NMNAT2: variants seen among roughly 807,000 people sequenced by gnomAD.
NMNAT2 encodes the protein nicotinamide nucleotide adenylyltransferase 2.
Under a neutral mutation model 41.6 loss-of-function variants are expected in NMNAT2, and 11 were observed. The ratio of observed to expected loss-of-function variants is 0.26; its 90% CI spans 0.17 to 0.44. NMNAT2 has a LOEUF of 0.44. Ranked by LOEUF, NMNAT2 falls within the 20% of genes least tolerant of loss-of-function variation. NMNAT2 has a pLI of 1.00. For synonymous variants in NMNAT2, 148 were observed against 151.2 expected (o/e 0.98, Z 0.16); for missense variants, 288 against 407.7 (o/e 0.71, Z 2.53).
intron 8 of NMNAT2, among the ~76,000 whole-genome samples, chr1:183,273,807 C>G (rs1402163593): frequency 2.0e-5 from 3 of 147,678 alleles, no homozygotes; most frequent in Non-Finnish European, 4.5e-5. Flanking sequence ...CTCTTTCTCT[C>G]TTTCTTTCCT....
At chr1:183,382,499 AAAGTCTCATCT>A (rs2101916592) in intron 1 of NMNAT2, among the ~76,000 whole-genome samples, 1 of 152,332 alleles carries the variant, frequency 6.6e-6, no homozygotes, top group Admixed American at 6.5e-5. Flanking sequence ...TCCACATTCC[AAAGTCTCATCT>A]GAGACAAGGC....
intron 1 of NMNAT2, among the ~76,000 whole-genome samples, chr1:183,321,294 T>C (rs1221387600): frequency 1.3e-5 from 2 of 152,108 alleles, no homozygotes; most frequent in African/African-American, 2.4e-5. Flanking sequence ...GCCCAAACCA[T>C]ATACATAATA....
intron 1 of NMNAT2, among the ~76,000 whole-genome samples, chr1:183,316,092 A>T (rs545894963): frequency 1.3e-5 from 2 of 152,166 alleles, no homozygotes; most frequent in Non-Finnish European, 2.9e-5. Flanking sequence ...TCCATCCCTG[A>T]CATCCTCTGC....
rs79422579 is a variant in NMNAT2, at chr1:183,313,033, G to A, written c.86-19240C>T. ...TGAAGCCCAATTCCAGCTTTCACTCGTGGAGCTGTCATGGAACACTCAGTC... is the reference window on the plus strand; with the variant it reads ...TGAAGCCCAATTCCAGCTTTCACTCATGGAGCTGTCATGGAACACTCAGTC... On this transcript the variant is annotated intron_variant, in intron 1 of 10. Transcript: ENST00000287713. Among the ~76,000 whole-genome samples the A allele has an allele frequency of 8.0e-3, 1,210 of 151,738 alleles. 17 individuals are homozygous for A. The highest frequency in any genetic ancestry group is 0.028 in the African/African-American group (1,142 of 41,292).
chr1:183,341,738 AAAAAAAAAAC>A (rs1426576135), intron 1 of NMNAT2, among the ~76,000 whole-genome samples: 3 of 141,990 alleles, frequency 2.1e-5, no homozygotes, highest in Non-Finnish European at 4.6e-5. Context: ...AAAAAAAAAA[AAAAAAAAAAC>A]CTGTTTCCTT....
At position 183,322,755 on chromosome 1, in the gene NMNAT2, A is replaced by G. The variant is rs117138062; in HGVS notation, c.86-28962T>C. Among the ~76,000 whole-genome samples the G allele has an allele frequency of 2.1e-4, 32 of 152,264 alleles. No homozygotes were observed. The East Asian group carries it at 5.8e-3, about 28-fold the overall frequency. On this transcript the variant is annotated intron_variant, in intron 1 of 10. Transcript: ENST00000287713. ...CACAGCAAAGCCTAAGGCCCTCCCA[A>G]ACACTTGAGACTATTTAAGGTGCAG...
intron 1 of NMNAT2, among the ~76,000 whole-genome samples, chr1:183,396,126 C>T (rs148425725): frequency 6.6e-6 from 1 of 152,310 alleles, no homozygotes; most frequent in East Asian, 1.9e-4. Context: ...CAAACAAACC[C>T]TGGCACTAGT....
chr1:183,354,357 T>C (rs1663133952), intron 1 of NMNAT2, among the ~76,000 whole-genome samples: 1 of 151,986 alleles, frequency 6.6e-6, no homozygotes. Context: ...AATCATCGTA[T>C]CTGTCCTGCT....
intron 1 of NMNAT2, chr1:183,304,827 G>T: frequency 6.2e-7 from 1 of 1,600,814 alleles, no homozygotes; most frequent in East Asian, 2.2e-5. Context: ...CTCCCTCATT[G>T]TTGCTGATCT....
intron 8 of NMNAT2, among the ~76,000 whole-genome samples, chr1:183,261,645 G>T (rs779145945): frequency 6.6e-6 from 1 of 152,142 alleles, no homozygotes; most frequent in African/African-American, 2.4e-5. Context: ...ATGACATTGC[G>T]TCCTTACCTG....
In NMNAT2 at chr1:183,394,819, C is replaced by A. The variant is rs1385142397; in HGVS notation, c.85+23364G>T. ...GTCTTCGCAAGTCACTCCATTCTCA[C>A]TGACAGTGAAGCCACCAGTGGTTAC... On this transcript the variant is annotated intron_variant, in intron 1 of 10. Transcript: ENST00000287713. Among the ~76,000 whole-genome samples the A allele has an allele frequency of 3.9e-5, 6 of 152,336 alleles. No homozygotes were observed. In the South Asian group the frequency reaches 1.2e-3, roughly 32 times the overall value.
At chr1:183,274,733 A>G (rs1170728056) in intron 8 of NMNAT2, among the ~76,000 whole-genome samples, 3 of 149,880 alleles carry the variant, frequency 2.0e-5, no homozygotes, top group Non-Finnish European at 4.4e-5. Flanking sequence ...GGAGTTCGAG[A>G]CCAGCCTGGG....
At chr1:183,344,063 T>C (rs1662874384) in intron 1 of NMNAT2, among the ~76,000 whole-genome samples, 1 of 152,212 alleles carries the variant, frequency 6.6e-6, no homozygotes, top group Non-Finnish European at 1.5e-5. Flanking sequence ...TACCTAGCAA[T>C]TTCTACTCAT....
intron 1 of NMNAT2, among the ~76,000 whole-genome samples, chr1:183,343,716 C>A (rs1172828571): frequency 1.3e-5 from 2 of 152,194 alleles, no homozygotes; most frequent in African/African-American, 4.8e-5. Flanking sequence ...CCCCTCCAAT[C>A]TATCCTTCAA....
At chr1:183,367,084 T>C (rs900105883) in intron 1 of NMNAT2, among the ~76,000 whole-genome samples, 2 of 152,212 alleles carry the variant, frequency 1.3e-5, no homozygotes, top group African/African-American at 4.8e-5. Flanking sequence ...CCCTAAGGAA[T>C]GGAGATTAAT....
intron 1 of NMNAT2, among the ~76,000 whole-genome samples, chr1:183,347,079 C>T (rs1662946217): frequency 6.6e-6 from 1 of 152,166 alleles, no homozygotes; most frequent in Non-Finnish European, 1.5e-5. Flanking sequence ...TTCTCTGACA[C>T]TTAGTCACTT....
intron 1 of NMNAT2, among the ~76,000 whole-genome samples, chr1:183,398,796 T>C (rs971478502): frequency 6.6e-6 from 1 of 152,204 alleles, no homozygotes; most frequent in Non-Finnish European, 1.5e-5. Context: ...CTGAACAACC[T>C]GTTCCTGAAT....
chr1:183,281,276 G>A (rs1382338943), intron 7 of NMNAT2, among the ~76,000 whole-genome samples: 1 of 152,092 alleles, frequency 6.6e-6, no homozygotes, highest in African/African-American at 2.4e-5. Context: ...ATTGGGCAAT[G>A]TCTGGACATT....
At chr1:183,253,400 A>G (rs1434897508) in intron 10 of NMNAT2, among the ~76,000 whole-genome samples, 2 of 151,070 alleles carry the variant, frequency 1.3e-5, no homozygotes, top group Non-Finnish European at 1.5e-5. Context: ...TCATATATCC[A>G]TCATCTCACT....
Sources: allele counts gnomAD v4.1 joint callset (sites outside exome capture counted in the v4.1 genomes callset), GRCh38; gene constraint gnomAD v4.1.1; transcripts MANE v1.5; gene names NCBI Gene and HGNC (gene_info 2026-07-23, HGNC 2026-07-21).